The following ZNF280D variants were observed in gnomAD, a reference collection of about 807,000 sequenced individuals.
ZNF280D encodes the protein suppressor of hairy wing homolog 4.
ZNF280D carries 39 observed loss-of-function variants against 94.7 expected under a neutral mutation model. The observed-to-expected ratio is 0.41, with a 90% CI of 0.32 to 0.54. ZNF280D has a LOEUF of 0.54. Among genes scored for constraint, ZNF280D ranks in the 20% least tolerant of loss-of-function variants. The probability of loss-of-function intolerance (pLI) is 0.22; values close to 1 mark genes in which losing one functional copy is unlikely to be tolerated. For synonymous variants in ZNF280D, 398 were observed against 377.6 expected, an observed-to-expected ratio of 1.05 and a Z score of -0.63; for missense variants, 1,090 against 1,149.3, an observed-to-expected ratio of 0.95 and a Z score of 0.75.
chr15:56,652,424 A>C (rs1189778366), intron 19 of ZNF280D: 2 of 196,622 alleles, frequency 1.0e-5, no homozygotes, highest in Non-Finnish European at 1.8e-5. Flanking sequence ...CAATGAGAGC[A>C]ATGTTCCTAT....
At chr15:56,635,272 T>G (rs2052296081) in intron 20 of ZNF280D, 22 bp from the exon 21 acceptor site, 3 of 1,381,870 alleles carry the variant, frequency 2.2e-6, no homozygotes, top group African/African-American at 1.5e-5. Flanking sequence ...AATAATACTT[T>G]TCTTTTACAT....
intron 19 of ZNF280D, chr15:56,653,327 AAGCCAAAGC>A: frequency 8.0e-7 from 1 of 1,252,806 alleles, no homozygotes; most frequent in Non-Finnish European, 1.0e-6. Flanking sequence ...TTAAGATCAT[AAGCCAAAGC>A]CCCCAGTGGG....
At chr15:56,724,585 G>T (rs1402080572) in intron 1 of ZNF280D, among the ~76,000 whole-genome samples, 1 of 152,282 alleles carries the variant, frequency 6.6e-6, no homozygotes, top group East Asian at 1.9e-4. Context: ...ACAATATCTG[G>T]CACCCAGTGT....
chr15:56,657,780 A>C (rs2053649190), intron 17 of ZNF280D, among the ~76,000 whole-genome samples: 1 of 152,172 alleles, frequency 6.6e-6, no homozygotes, highest in Admixed American at 6.5e-5. Flanking sequence ...TGGGAATGTA[A>C]AATAGTGGAG....
chr15:56,648,195 T>C (rs1325980521), intron 19 of ZNF280D, among the ~76,000 whole-genome samples: 2 of 152,174 alleles, frequency 1.3e-5, no homozygotes, highest in African/African-American at 4.8e-5. Flanking sequence ...TGCCTCTATA[T>C]GTTTTCCACT....
chr15:56,697,787 TAACA>T (rs1566997994), intron 6 of ZNF280D: 4 of 152,072 alleles, frequency 2.6e-5, no homozygotes, highest in African/African-American at 9.7e-5. Flanking sequence ...CATTTTAAAA[TAACA>T]AACTCATTAC....
intron 20 of ZNF280D, among the ~76,000 whole-genome samples, chr15:56,637,476 T>C (rs1302884348): frequency 1.3e-5 from 2 of 152,100 alleles, no homozygotes; most frequent in East Asian, 3.9e-4. Flanking sequence ...CCACCACACC[T>C]GGCCTCTCCA....
chr15:56,719,539 T>C (rs1278144337), intron 1 of ZNF280D, among the ~76,000 whole-genome samples: 1 of 152,112 alleles, frequency 6.6e-6, no homozygotes, highest in African/African-American at 2.4e-5. Context: ...TAAACCTTTT[T>C]TCTTTATAAA....
In ZNF280D at chr15:56,709,573, G is replaced by A. The variant is rs548490086; in HGVS notation, c.-85-2267C>T. 6.2e-4 allele frequency among the ~76,000 whole-genome samples: 95 copies of A among 152,124 alleles called. 1 individual carries two copies. Among genetic ancestry groups the A allele is most frequent in the Middle Eastern group, 6.8e-3 (2 of 294 alleles). On this transcript the variant is annotated intron_variant, in intron 1 of 21. Coordinates refer to ENST00000267807, the MANE Select transcript of ZNF280D (RefSeq NM_017661.4). Reference sequence around the variant, plus strand: ...ACACATGCACACGTATGTTTATTGCGGCACTATTCACAATAGCAAAGACTT... The same window carrying A: ...ACACATGCACACGTATGTTTATTGCAGCACTATTCACAATAGCAAAGACTT...
At chr15:56,650,808 G>A (rs1387917405) in intron 19 of ZNF280D, among the ~76,000 whole-genome samples, 2 of 152,054 alleles carry the variant, frequency 1.3e-5, no homozygotes, top group African/African-American at 2.4e-5. Context: ...AAACAGAGGA[G>A]GGGAGAAATG....
chr15:56,665,710 A>G (rs1566952585), intron 16 of ZNF280D, among the ~76,000 whole-genome samples: 1 of 151,352 alleles, frequency 6.6e-6, no homozygotes, highest in African/African-American at 2.4e-5. Context: ...TCTCAAAAAA[A>G]AAAAAAAAAA....
intron 21 of ZNF280D, chr15:56,634,254 T>C (rs1163247517): frequency 1.3e-5 from 2 of 151,082 alleles, no homozygotes; most frequent in African/African-American, 4.9e-5. Flanking sequence ...AACTCATTTT[T>C]TGGATCTTAA....
chr15:56,632,908 C>T (rs373215273), intron 21 of ZNF280D, among the ~76,000 whole-genome samples: 1 of 151,788 alleles, frequency 6.6e-6, no homozygotes, highest in East Asian at 1.9e-4. Flanking sequence ...AAACACATGC[C>T]TGAAAAAGTA....
chr15:56,687,477 G>T (rs1433548051), intron 9 of ZNF280D, among the ~76,000 whole-genome samples: 1 of 152,020 alleles, frequency 6.6e-6, no homozygotes, highest in Non-Finnish European at 1.5e-5. Context: ...CATCCAGAAA[G>T]AAACCCAGGG....
At chr15:56,634,743 A>C (rs1596316080) in intron 21 of ZNF280D, among the ~76,000 whole-genome samples, 1 of 152,242 alleles carries the variant, frequency 6.6e-6, no homozygotes. Context: ...AAAGTATGAA[A>C]ATTTTAAAAG....
chr15:56,703,873 T>TA (rs35080491), intron 4 of ZNF280D, among the ~76,000 whole-genome samples: 3 of 151,718 alleles, frequency 2.0e-5, no homozygotes, highest in Admixed American at 6.6e-5. Flanking sequence ...AATAAATAAA[T>TA]AATTACTTAA....
At chr15:56,721,203 T>A (rs1002655275) in intron 1 of ZNF280D, among the ~76,000 whole-genome samples, 2 of 152,044 alleles carry the variant, frequency 1.3e-5, no homozygotes, top group East Asian at 3.9e-4. Flanking sequence ...GCTCCTGACA[T>A]CAAGTGATCC....
chr15:56,673,248 T>C (rs1289330129), intron 13 of ZNF280D, among the ~76,000 whole-genome samples: 1 of 151,906 alleles, frequency 6.6e-6, no homozygotes, highest in African/African-American at 2.4e-5. Flanking sequence ...AACTCGAGAT[T>C]TCCTTCCTAT....
At chr15:56,710,608 A>T (rs954658365) in intron 1 of ZNF280D, among the ~76,000 whole-genome samples, 1 of 152,134 alleles carries the variant, frequency 6.6e-6, no homozygotes, top group South Asian at 2.1e-4. Flanking sequence ...CCTATTTTAT[A>T]AATTTTTGGT....
Sources: allele counts gnomAD v4.1 joint callset (sites outside exome capture counted in the v4.1 genomes callset), GRCh38; gene constraint gnomAD v4.1.1; transcripts MANE v1.5; gene names NCBI Gene and HGNC (gene_info 2026-07-23, HGNC 2026-07-21).